CMBL: variants seen among roughly 807,000 people sequenced by gnomAD.
CMBL encodes the protein carboxymethylenebutenolidase homolog.
A neutral mutation model predicts 28.7 loss-of-function variants in CMBL; 17 were observed. The ratio of observed to expected loss-of-function variants is 0.59; its 90% CI spans 0.41 to 0.89. The LOEUF (loss-of-function observed/expected upper bound fraction) is 0.89. Ranked by LOEUF, CMBL falls within the 40% of genes least tolerant of loss-of-function variation. The pLI is 0.00. For synonymous variants in CMBL, 106 were observed against 101.6 expected, an observed-to-expected ratio of 1.04 and a Z score of -0.26; for missense variants, 310 against 298.5, an observed-to-expected ratio of 1.04 and a Z score of -0.28.
Position 10,286,360 on chromosome 5 carries a change from C to CG in CMBL, c.459dup (p.Val154ArgfsTer9), listed in dbSNP as rs1561062097. Reference sequence around the variant, plus strand: ...ATGCACAAGGCAGATTTACCATAGACGGACACCCCTGCCCTGAATTCTGAG... The same window carrying CG: ...ATGCACAAGGCAGATTTACCATAGACGGGACACCCCTGCCCTGAATTCTGAG... On this transcript the variant is annotated frameshift_variant, in exon 4 of 6. Coordinates refer to ENST00000296658, the MANE Select transcript of CMBL (RefSeq NM_138809.4). LOFTEE classifies it high-confidence loss of function. 6.2e-7 allele frequency: 1 copy of CG among 1,613,544 alleles called. No homozygotes were observed. The highest frequency in any genetic ancestry group is 1.7e-5 in the Admixed American group (1 of 59,982).
In CMBL at chr5:10,277,740, G is replaced by A. The variant is rs1185471044; in HGVS notation, c.*2713C>T. ...AGAACATATCTTTTTAAAGAAGTACGTGTGTGACTTACATTATACTTCTAT... is the reference window on the plus strand; with the variant it reads ...AGAACATATCTTTTTAAAGAAGTACATGTGTGACTTACATTATACTTCTAT... On this transcript the variant is annotated 3_prime_UTR_variant, in exon 6 of 6. Transcript: ENST00000296658. Among the ~76,000 whole-genome samples the A allele has an allele frequency of 1.3e-5, 2 of 152,002 alleles. No individual in the cohort carries two copies. The highest frequency in any genetic ancestry group is 4.1e-4 in the South Asian group (2 of 4,832).
chr5:10,295,793 T>C (rs910616705), intron 1 of CMBL, among the ~76,000 whole-genome samples: 1 of 152,228 alleles, frequency 6.6e-6, no homozygotes, highest in African/African-American at 2.4e-5. Context: ...TGAAGCCACG[T>C]TTGTTAGAGC....
chr5:10,285,488 A>G (rs1340787512), intron 4 of CMBL, among the ~76,000 whole-genome samples: 1 of 151,670 alleles, frequency 6.6e-6, no homozygotes, highest in Admixed American at 6.6e-5. Context: ...TATAGAGACA[A>G]GGTCTCTCTA....
chr5:10,286,826 G>A (rs908482389), intron 3 of CMBL, among the ~76,000 whole-genome samples: 1 of 152,188 alleles, frequency 6.6e-6, no homozygotes, highest in African/African-American at 2.4e-5. Context: ...AGCACGGTTC[G>A]TAAGACCCGA....
rs201332759 is a variant in CMBL, at chr5:10,287,196, G to A, written c.324-700C>T. Among the ~76,000 whole-genome samples, 5 of 152,306 alleles carry A rather than the reference G, an allele frequency of 3.3e-5. No homozygotes were observed. The East Asian group carries it at 5.8e-4, about 18-fold the overall frequency. ...ACCAAAGTGGAGGTGGGCTGCACAC[G>A]TATGTTTATTGTAGCACGATTGCAA... On this transcript the variant is annotated intron_variant, in intron 3 of 5. Transcript: ENST00000296658.
chr5:10,280,629 A>G lies in CMBL; in HGVS notation c.562T>C (p.Ser188Pro). 6.3e-7 allele frequency: 1 copy of G among 1,597,434 alleles called. No homozygotes were observed. The highest frequency in any genetic ancestry group is 8.6e-7 in the Non-Finnish European group (1 of 1,166,290). ...TCTTTCAACTTCTGAGTCAGCAAAG[A>G]TACCTGGTGTGCAAAAGATTTCATG... ...NDVVIPLKDV[S>P]LLTQKLKEHC... The change falls in exon 6 of 6, where the codon TCT (serine) becomes CCT (proline). Residue 188 changes from serine to proline, a missense_variant. Ser to Pro is a moderately conservative substitution (Grantham distance 74). Transcript: ENST00000296658.
chr5:10,304,167 C>A (rs746053175), intron 1 of CMBL, among the ~76,000 whole-genome samples: 2 of 151,700 alleles, frequency 1.3e-5, no homozygotes, highest in Non-Finnish European at 2.9e-5. Flanking sequence ...TCAAGACCTG[C>A]CTGGGCAACA....
At chr5:10,302,481 T>TA (rs60080220) in intron 1 of CMBL, among the ~76,000 whole-genome samples, 71,420 of 135,326 alleles carry the variant, frequency 0.53, 19,307 homozygotes, top group Non-Finnish European at 0.63. Context: ...TTGTCTCTAC[T>TA]AAAAAAAAAA....
At chr5:10,300,574 G>A (rs541783286) in intron 1 of CMBL, among the ~76,000 whole-genome samples, 5 of 152,102 alleles carry the variant, frequency 3.3e-5, no homozygotes, top group African/African-American at 1.2e-4. Flanking sequence ...TCGAGGCATG[G>A]TCATAGCTTG....
intron 1 of CMBL, among the ~76,000 whole-genome samples, chr5:10,291,768 G>A (rs1746724728): frequency 6.6e-6 from 1 of 152,184 alleles, no homozygotes; most frequent in Non-Finnish European, 1.5e-5. Context: ...AATTGACTCT[G>A]GGCCAGTGAA....
chr5:10,288,581 T>A, intron 2 of CMBL, 52 bp from the exon 3 acceptor site: 1 of 1,327,004 alleles, frequency 7.5e-7, no homozygotes, highest in Non-Finnish European at 1.1e-6. Flanking sequence ...CTTGACTCAG[T>A]ATTTTGCTTG....
At chr5:10,283,366 G>A (rs1746538052) in intron 4 of CMBL, among the ~76,000 whole-genome samples, 1 of 152,202 alleles carries the variant, frequency 6.6e-6, no homozygotes, top group Admixed American at 6.5e-5. Context: ...TGAATGCACT[G>A]AGTAGTTTTG....
chr5:10,288,357 A>G, intron 3 of CMBL, 65 bp downstream of exon 3: 1 of 1,137,854 alleles, frequency 8.8e-7, no homozygotes, highest in East Asian at 2.3e-5. Flanking sequence ...TGAAAGGTGA[A>G]GCCCACCCAG....
At chr5:10,284,799 G>T (rs752158706) in intron 4 of CMBL, among the ~76,000 whole-genome samples, 3 of 152,066 alleles carry the variant, frequency 2.0e-5, no homozygotes, top group East Asian at 1.9e-4. Flanking sequence ...ATTTTTAAAG[G>T]CTATATTTCC....
intron 1 of CMBL, among the ~76,000 whole-genome samples, chr5:10,302,905 C>T (rs1347626125): frequency 1.3e-5 from 2 of 152,148 alleles, no homozygotes; most frequent in African/African-American, 4.8e-5. Context: ...AATCCCCTTC[C>T]CTTTCCAGGT....
At chr5:10,298,537 C>T (rs1168455594) in intron 1 of CMBL, among the ~76,000 whole-genome samples, 1 of 152,176 alleles carries the variant, frequency 6.6e-6, no homozygotes, top group Non-Finnish European at 1.5e-5. Flanking sequence ...TTCATAGATG[C>T]ATCATGATAT....
At position 10,282,229 on chromosome 5, in the gene CMBL, C is replaced by T; in HGVS notation, c.526G>A (p.Ala176Thr). The change falls in exon 5 of 6, where the codon GCT becomes ACT. Residue 176 changes from alanine to threonine, a missense_variant. By Grantham distance (58) the Ala-to-Thr change is moderately conservative. Transcript: ENST00000296658. ...NLKNPTLFIF[A>T]ENDVVIPLKD... ...AGTGGAATCACAACATCATTTTCAG[C>T]AAAAATGAACAAAGTGGGGTTCTTT... is the stretch of plus-strand genomic sequence containing the variant. 6.2e-7 allele frequency: 1 copy of T among 1,612,462 alleles called. No homozygotes were observed. The highest frequency in any genetic ancestry group is 8.5e-7 in the Non-Finnish European group (1 of 1,178,688).
At chr5:10,287,714 A>AAT (rs1554013511) in intron 3 of CMBL, among the ~76,000 whole-genome samples, 6 of 150,944 alleles carry the variant, frequency 4.0e-5, no homozygotes, top group African/African-American at 1.5e-4. Flanking sequence ...TAATTAATTA[A>AAT]TTTCTTTTTT....
chr5:10,304,230 T>C (rs1403974623), intron 1 of CMBL, among the ~76,000 whole-genome samples: 1 of 151,406 alleles, frequency 6.6e-6, no homozygotes, highest in East Asian at 1.9e-4. Flanking sequence ...TTAGCCAGGC[T>C]TGGTGGCACA....
Sources: allele counts gnomAD v4.1 joint callset (sites outside exome capture counted in the v4.1 genomes callset), GRCh38; gene constraint gnomAD v4.1.1; transcripts MANE v1.5; gene names NCBI Gene and HGNC (gene_info 2026-07-23, HGNC 2026-07-21).